Variants in EYS observed in about 807,000 individuals in gnomAD.
The protein encoded by EYS is EGF-like photoreceptor maintenance factor, also known as protein eyes shut homolog.
EYS carries 250 observed loss-of-function variants against 282.1 expected under a neutral mutation model. That is an observed-to-expected ratio of 0.89 (90% confidence interval 0.80 to 0.98). The LOEUF is 0.98. EYS is among the 50% of genes least tolerant of loss of function. The pLI is 0.00. For synonymous variants in EYS, 1,355 were observed against 1,282.9 expected (o/e 1.06, Z -1.20); for missense variants, 4,016 against 3,709.0 (o/e 1.08, Z -2.15).
At chr6:65,190,419 T>C (rs190822469) in intron 12 of EYS, among the ~76,000 whole-genome samples, 85 of 151,160 alleles carry the variant, frequency 5.6e-4, no homozygotes, top group African/African-American at 2.0e-3. Flanking sequence ...ATTTTTTCTT[T>C]GGTTTCTAAG....
intron 14 of EYS, among the ~76,000 whole-genome samples, chr6:64,965,009 A>G (rs1358127660): frequency 6.6e-6 from 1 of 152,144 alleles, no homozygotes; most frequent in Non-Finnish European, 1.5e-5. Flanking sequence ...CTCCTGCTGG[A>G]TGACAGAGTG....
At chr6:63,994,501 C>T (rs145328199) in intron 34 of EYS, among the ~76,000 whole-genome samples, 2 of 152,042 alleles carry the variant, frequency 1.3e-5, no homozygotes, top group Admixed American at 6.6e-5. Flanking sequence ...TTCACTAAGG[C>T]TGTTCCTGAT....
At chr6:65,178,990 A>G (rs1378992721) in intron 12 of EYS, among the ~76,000 whole-genome samples, 1 of 152,160 alleles carries the variant, frequency 6.6e-6, no homozygotes, top group Non-Finnish European at 1.5e-5. Flanking sequence ...GAAGGCAGAA[A>G]TAAAGATGTC....
At chr6:65,412,737 C>CT (rs1767070512) in intron 5 of EYS, among the ~76,000 whole-genome samples, 1 of 151,764 alleles carries the variant, frequency 6.6e-6, no homozygotes, top group African/African-American at 2.4e-5. Flanking sequence ...TATATGAGTC[C>CT]TTTGTCATAT....
At chr6:64,903,607 C>T (rs928500543) in intron 16 of EYS, among the ~76,000 whole-genome samples, 2 of 152,078 alleles carry the variant, frequency 1.3e-5, no homozygotes, top group Non-Finnish European at 2.9e-5. Context: ...TGTTGGCATG[C>T]GAGTGATATA....
intron 22 of EYS, among the ~76,000 whole-genome samples, chr6:64,782,666 C>T (rs1296511041): frequency 1.3e-5 from 2 of 151,512 alleles, no homozygotes; most frequent in African/African-American, 2.4e-5. Flanking sequence ...GGTCTATCTC[C>T]TAGTTTATTT....
At position 64,734,350 on chromosome 6, in the gene EYS, G is replaced by A. The variant is rs1455376279; in HGVS notation, c.3443+79028C>T. The stretch of plus-strand genomic sequence containing the variant: ...TGTTTTTATTTTTTTTTTAAGTTTT[G>A]TTTGAAGCTTTGAAGTATTCCTTAG... On this transcript the variant is annotated intron_variant, in intron 22 of 42. Transcript: ENST00000503581. Among the ~76,000 whole-genome samples the A allele has an allele frequency of 2.0e-5, 3 of 150,602 alleles. 1 individual carries two copies. The highest frequency in any genetic ancestry group is 2.0e-4 in the Admixed American group (3 of 15,144).
intron 22 of EYS, among the ~76,000 whole-genome samples, chr6:64,690,668 TGTCCTTTGTA>T: frequency 6.6e-6 from 1 of 152,332 alleles, no homozygotes; most frequent in Admixed American, 6.5e-5. Flanking sequence ...GATGAGTTTA[TGTCCTTTGTA>T]GGGACATGGA....
At chr6:65,075,126 G>T (rs1774009373) in intron 12 of EYS, among the ~76,000 whole-genome samples, 1 of 151,910 alleles carries the variant, frequency 6.6e-6, no homozygotes, top group African/African-American at 2.4e-5. Flanking sequence ...GGATTTTTAA[G>T]TTGAGAACAT....
chr6:64,106,439 G>GT (rs1048405370), intron 31 of EYS, among the ~76,000 whole-genome samples: 25 of 151,696 alleles, frequency 1.6e-4, no homozygotes, highest in African/African-American at 4.3e-4. Flanking sequence ...TATAGGTAGT[G>GT]TTTTTTTTCT....
intron 31 of EYS, among the ~76,000 whole-genome samples, chr6:64,138,322 T>C (rs1485522449): frequency 6.6e-6 from 1 of 152,108 alleles, no homozygotes; most frequent in Non-Finnish European, 1.5e-5. Flanking sequence ...CGGAAAAATC[T>C]TGGGCATTTG....
chr6:64,071,466 C>T (rs1382804155), intron 32 of EYS, among the ~76,000 whole-genome samples: 1 of 151,182 alleles, frequency 6.6e-6, no homozygotes, highest in Non-Finnish European at 1.5e-5. Context: ...TGTTTGTGCC[C>T]CTTGAATTGT....
At chr6:64,653,997 A>G (rs941678627) in intron 22 of EYS, among the ~76,000 whole-genome samples, 2 of 152,176 alleles carry the variant, frequency 1.3e-5, no homozygotes, top group Non-Finnish European at 2.9e-5. Context: ...AAGATGTTAA[A>G]CCAAGATGAA....
chr6:65,036,761 A>C (rs900160948), intron 13 of EYS, among the ~76,000 whole-genome samples: 2 of 152,046 alleles, frequency 1.3e-5, no homozygotes, highest in African/African-American at 4.8e-5. Context: ...ACATTGAGAT[A>C]CCATCTCATA....
intron 30 of EYS, among the ~76,000 whole-genome samples, chr6:64,263,313 G>GTA (rs1461869374): frequency 2.6e-5 from 4 of 151,888 alleles, no homozygotes; most frequent in Admixed American, 6.6e-5. Flanking sequence ...AATCCAATGT[G>GTA]TATTTTACTC....
chr6:65,330,542 A>G lies in EYS; in HGVS notation c.1766+4438T>C. 4 of 984,120 alleles carry G rather than the reference A, an allele frequency of 4.1e-6. No individual in the cohort carries two copies. The South Asian group carries it at 1.4e-4, about 35-fold the overall frequency. 61.0% of individuals were successfully genotyped at this position (984,120 alleles called of 1,614,324 possible). ...TTTTTGAAGATTTCAGGGCAAAAAA[A>G]TGTGGTAATATGCAGACCTGTTTGC... On this transcript the variant is annotated intron_variant, in intron 11 of 42. Coordinates refer to ENST00000503581, the MANE Select transcript of EYS (RefSeq NM_001142800.2).
At chr6:65,270,883 A>C (rs995591674) in intron 12 of EYS, among the ~76,000 whole-genome samples, 2 of 151,652 alleles carry the variant, frequency 1.3e-5, no homozygotes, top group Non-Finnish European at 2.9e-5. Flanking sequence ...TATATGATTT[A>C]TGTATTATTT....
intron 26 of EYS, among the ~76,000 whole-genome samples, chr6:64,589,137 G>T (rs1766320031): frequency 6.6e-6 from 1 of 151,960 alleles, no homozygotes. Flanking sequence ...TAAACCACAA[G>T]CTATCAGCCT....
chr6:64,515,830 T>C (rs1777544141), intron 26 of EYS, among the ~76,000 whole-genome samples: 2 of 151,876 alleles, frequency 1.3e-5, no homozygotes, highest in South Asian at 2.1e-4. Context: ...GCTGTAACTA[T>C]GCTTTATGGC....
Sources: allele counts gnomAD v4.1 joint callset (sites outside exome capture counted in the v4.1 genomes callset), GRCh38; gene constraint gnomAD v4.1.1; transcripts MANE v1.5; gene names NCBI Gene and HGNC (gene_info 2026-07-23, HGNC 2026-07-21).